TENM4: variants seen among roughly 807,000 people sequenced by gnomAD.
TENM4 encodes teneurin-4.
TENM4 carries 82 observed loss-of-function variants against 243.3 expected under a neutral mutation model. The ratio of observed to expected loss-of-function variants is 0.34; its 90% CI spans 0.28 to 0.40. TENM4 has a LOEUF of 0.40. Ranked by LOEUF, TENM4 falls within the 10% of genes least tolerant of loss-of-function variation. The pLI is 1.00. For synonymous variants in TENM4, 1,412 were observed against 1,456.3 expected (o/e 0.97, Z 0.69); for missense variants, 3,138 against 3,673.3 (o/e 0.85, Z 3.77).
intron 6 of TENM4, chr11:79,014,848 C>T (rs1003042520): frequency 6.6e-6 from 1 of 152,180 alleles, no homozygotes; most frequent in African/African-American, 2.4e-5. Context: ...ACCAGGAAGG[C>T]TAAGTGAAGT....
At chr11:79,272,060 T>C (rs1460007699) in intron 2 of TENM4, among the ~76,000 whole-genome samples, 2 of 152,152 alleles carry the variant, frequency 1.3e-5, no homozygotes, top group South Asian at 2.1e-4. Context: ...TAAGAGTAAA[T>C]GGCAAAATAG....
chr11:78,842,684 G>C (rs1858288103), intron 12 of TENM4, among the ~76,000 whole-genome samples: 1 of 152,200 alleles, frequency 6.6e-6, no homozygotes, highest in African/African-American at 2.4e-5. Context: ...CACACAACAA[G>C]CGCATACATG....
At chr11:79,261,400 G>T (rs1054100952) in intron 2 of TENM4, among the ~76,000 whole-genome samples, 3 of 152,212 alleles carry the variant, frequency 2.0e-5, no homozygotes, top group African/African-American at 7.2e-5. Context: ...CCGGTCCCAT[G>T]CTAGGCCTGT....
intron 28 of TENM4, 54 bp from the exon 29 acceptor site, chr11:78,688,280 G>C: frequency 3.8e-6 from 6 of 1,558,996 alleles, no homozygotes; most frequent in Non-Finnish European, 5.2e-6. Context: ...GCTCTAGCTG[G>C]AACTTGGTGC....
intron 18 of TENM4, among the ~76,000 whole-genome samples, chr11:78,767,442 G>A (rs777749788): frequency 1.3e-5 from 2 of 152,204 alleles, no homozygotes; most frequent in Non-Finnish European, 2.9e-5. Flanking sequence ...ACACTTCTAG[G>A]TGGAGGATAA....
intron 6 of TENM4, among the ~76,000 whole-genome samples, chr11:78,955,005 G>A (rs1857179070): frequency 6.6e-6 from 1 of 152,226 alleles, no homozygotes; most frequent in Non-Finnish European, 1.5e-5. Context: ...CTGTAAGCAG[G>A]TTTTCATGAT....
chr11:79,082,589 ATG>A (rs959711171), intron 4 of TENM4, among the ~76,000 whole-genome samples: 1 of 152,098 alleles, frequency 6.6e-6, no homozygotes, highest in Non-Finnish European at 1.5e-5. Context: ...GTGTGCACCC[ATG>A]TGTGCACACA....
In TENM4 at chr11:79,202,375, C is replaced by CT. The variant is rs886576059; in HGVS notation, c.-163+13432dup. Among the ~76,000 whole-genome samples the CT allele has an allele frequency of 9.2e-5, 14 of 152,268 alleles. No individual in the cohort carries two copies. In the East Asian group the frequency reaches 1.3e-3, roughly 15 times the overall value. ...ACAGTAGCAATCAGCGAGTAATCAT[C>CT]TTTTTTTTCCCTCCTATACAATGTC... is the stretch of plus-strand genomic sequence containing the variant. On this transcript the variant is annotated intron_variant, in intron 3 of 33. Transcript: ENST00000278550.
chr11:79,437,195 T>C (rs1213748257), intron 1 of TENM4, among the ~76,000 whole-genome samples: 2 of 152,222 alleles, frequency 1.3e-5, no homozygotes, highest in Non-Finnish European at 2.9e-5. Context: ...AGGGGAAACC[T>C]GTTTTTTGTG....
At chr11:78,806,618 G>A in intron 14 of TENM4, among the ~76,000 whole-genome samples, 1 of 152,196 alleles carries the variant, frequency 6.6e-6, no homozygotes, top group Non-Finnish European at 1.5e-5. Flanking sequence ...GGCTCTGAGA[G>A]GTAAATAATT....
At chr11:78,866,654 T>C (rs1591083320) in intron 9 of TENM4, among the ~76,000 whole-genome samples, 1 of 152,142 alleles carries the variant, frequency 6.6e-6, no homozygotes, top group East Asian at 1.9e-4. Flanking sequence ...TGTACCCCCC[T>C]GGCAATCACA....
At chr11:78,791,341 C>T (rs1857051325) in intron 15 of TENM4, among the ~76,000 whole-genome samples, 1 of 152,150 alleles carries the variant, frequency 6.6e-6, no homozygotes, top group Non-Finnish European at 1.5e-5. Context: ...CCTGAAGTGG[C>T]TAGTGAAAGC....
At position 78,869,484 on chromosome 11, in the gene TENM4, A is replaced by G. The variant is rs568702450; in HGVS notation, c.1085-6352T>C. Among the ~76,000 whole-genome samples the G allele has an allele frequency of 4.0e-5, 6 of 151,486 alleles. No homozygotes were observed. The South Asian group carries it at 1.2e-3, about 31-fold the overall frequency. ...AAAAGGAAGCCTCCAACTTAGTGTC[A>G]CAAGCAATAGGTAGAAGAGAAAGAT... On this transcript the variant is annotated intron_variant, in intron 9 of 33. Transcript: ENST00000278550.
At chr11:79,300,738 T>C (rs1856537265) in intron 1 of TENM4, among the ~76,000 whole-genome samples, 1 of 152,258 alleles carries the variant, frequency 6.6e-6, no homozygotes, top group Non-Finnish European at 1.5e-5. Context: ...ACTTTTTCTT[T>C]GGGAATTGCA....
At position 78,984,964 on chromosome 11, in the gene TENM4, T is replaced by C. The variant is rs372235185; in HGVS notation, c.493+79774A>G. 1.7e-4 allele frequency among the ~76,000 whole-genome samples: 26 copies of C among 152,214 alleles called. No homozygotes were observed. In the South Asian group the frequency reaches 4.6e-3, roughly 27 times the overall value. Reference sequence around the variant, plus strand: ...TACAGCAGTGAGTTCTACTGGAGAGTGCTGCTGTAGTGCTAGCATGTCAAG... The same window carrying C: ...TACAGCAGTGAGTTCTACTGGAGAGCGCTGCTGTAGTGCTAGCATGTCAAG... On this transcript the variant is annotated intron_variant, in intron 6 of 33. Coordinates refer to ENST00000278550, the MANE Select transcript of TENM4 (RefSeq NM_001098816.3).
intron 26 of TENM4, 73 bp from the exon 27 acceptor site, chr11:78,708,588 C>T: frequency 1.3e-6 from 2 of 1,531,184 alleles, no homozygotes; most frequent in Non-Finnish European, 1.8e-6. Flanking sequence ...TGGAGCCTTG[C>T]TAACTGACAG....
intron 1 of TENM4, among the ~76,000 whole-genome samples, chr11:79,328,145 A>T (rs1857003746): frequency 6.6e-6 from 1 of 152,224 alleles, no homozygotes; most frequent in Non-Finnish European, 1.5e-5. Flanking sequence ...AAAAAGGTGA[A>T]GGAAGAGAAT....
At chr11:78,792,561 G>C (rs548218686) in intron 15 of TENM4, among the ~76,000 whole-genome samples, 3 of 152,200 alleles carry the variant, frequency 2.0e-5, no homozygotes, top group Admixed American at 2.0e-4. Context: ...CCCGTGCACT[G>C]TCCTCTCTCT....
intron 2 of TENM4, among the ~76,000 whole-genome samples, chr11:79,241,751 C>T (rs756035509): frequency 3.3e-5 from 5 of 151,834 alleles, no homozygotes; most frequent in African/African-American, 4.8e-5. Context: ...TGGTGGGGGG[C>T]GGAGGTTGGT....
Sources: gnomAD v4.1 joint callset for allele counts (sites outside exome capture counted in the v4.1 genomes callset) on GRCh38, gnomAD v4.1.1 for gene constraint, MANE v1.5 for transcripts, NCBI Gene and HGNC (gene_info 2026-07-23, HGNC 2026-07-21) for gene names.